The following MCTP1 variants were observed in gnomAD, a reference collection of about 807,000 sequenced individuals.
The protein encoded by MCTP1 is multiple C2 and transmembrane domain-containing protein 1.
Under a neutral mutation model 120.6 loss-of-function variants are expected in MCTP1, and 69 were observed. The ratio of observed to expected loss-of-function variants is 0.57; its 90% confidence interval spans 0.47 to 0.70. The LOEUF (loss-of-function observed/expected upper bound fraction) is 0.70, where lower values mean the gene tolerates loss of function less well. Among genes scored for constraint, MCTP1 ranks in the 30% least tolerant of loss-of-function variants. The probability of loss-of-function intolerance (pLI) is 0.00; values close to 1 mark genes in which losing one functional copy is unlikely to be tolerated. For synonymous variants in MCTP1, 529 were observed against 493.1 expected (o/e 1.07, Z -0.96); for missense variants, 1,203 against 1,248.8 (o/e 0.96, Z 0.55).
chr5:95,078,284 A>G (rs912578904), intron 1 of MCTP1, among the ~76,000 whole-genome samples: 3 of 152,210 alleles, frequency 2.0e-5, no homozygotes, highest in African/African-American at 7.2e-5. Flanking sequence ...CAGACATTAC[A>G]TTAATCTTCT....
chr5:94,747,024 T>C lies in MCTP1; in HGVS notation c.2610+32086A>G, dbSNP rs536890763. ...TCAAAGTCTAGCTCAAGTATCAGGT[T>C]GATAATTAGATAATGTAGGTTTCCA... On this transcript the variant is annotated intron_variant, in intron 19 of 22. Coordinates refer to ENST00000515393, the MANE Select transcript of MCTP1 (RefSeq NM_024717.7). Among the ~76,000 whole-genome samples the C allele has an allele frequency of 2.4e-4, 37 of 152,362 alleles. 1 individual carries two copies. The highest frequency in any genetic ancestry group is 8.7e-4 in the African/African-American group (36 of 41,582).
intron 1 of MCTP1, among the ~76,000 whole-genome samples, chr5:95,276,363 AT>A (rs1759836260): frequency 7.0e-6 from 1 of 142,388 alleles, no homozygotes; most frequent in Non-Finnish European, 1.5e-5. Context: ...GGTTCAAGCG[AT>A]TCTCCTGTCT....
intron 1 of MCTP1, among the ~76,000 whole-genome samples, chr5:95,046,804 GT>G (rs1744661317): frequency 6.6e-6 from 1 of 152,092 alleles, no homozygotes; most frequent in Admixed American, 6.6e-5. Flanking sequence ...ACACGTATCT[GT>G]TTACCCTATT....
chr5:95,229,332 C>T (rs1754649448), intron 1 of MCTP1, among the ~76,000 whole-genome samples: 1 of 152,186 alleles, frequency 6.6e-6, no homozygotes, highest in Non-Finnish European at 1.5e-5. Context: ...AACTATATCC[C>T]AGATAGTGAC....
At chr5:95,208,086 C>A (rs1263760861) in intron 1 of MCTP1, among the ~76,000 whole-genome samples, 1 of 151,596 alleles carries the variant, frequency 6.6e-6, no homozygotes, top group Non-Finnish European at 1.5e-5. Context: ...ACAGATTACC[C>A]TGTTGTTGTT....
intron 17 of MCTP1, among the ~76,000 whole-genome samples, chr5:94,825,338 G>A (rs1211131277): frequency 2.0e-5 from 3 of 152,166 alleles, no homozygotes; most frequent in South Asian, 2.1e-4. Flanking sequence ...TTTCCATGTA[G>A]TTTTGCAGTT....
At chr5:95,160,030 A>C (rs1050859570) in intron 1 of MCTP1, among the ~76,000 whole-genome samples, 7 of 152,224 alleles carry the variant, frequency 4.6e-5, no homozygotes, top group Admixed American at 6.5e-5. Flanking sequence ...CAGATGCAGA[A>C]AGCCCAGGAG....
chr5:94,969,076 A>C (rs1407284510), intron 2 of MCTP1, among the ~76,000 whole-genome samples: 1 of 152,184 alleles, frequency 6.6e-6, no homozygotes, highest in Non-Finnish European at 1.5e-5. Context: ...TCCTAGACCT[A>C]GGAAATATCA....
intron 1 of MCTP1, among the ~76,000 whole-genome samples, chr5:95,205,679 C>T (rs1266645701): frequency 1.3e-5 from 2 of 151,704 alleles, no homozygotes; most frequent in Admixed American, 6.6e-5. Flanking sequence ...ATAATAAAAG[C>T]TAAATAATGT....
chr5:94,785,002 C>T (rs189706876), intron 18 of MCTP1: 11 of 152,118 alleles, frequency 7.2e-5, no homozygotes, highest in Admixed American at 5.9e-4. Flanking sequence ...CCACTGATTA[C>T]GTACAGCATG....
At chr5:94,834,667 T>C (rs776503636) in intron 17 of MCTP1, among the ~76,000 whole-genome samples, 1 of 152,158 alleles carries the variant, frequency 6.6e-6, no homozygotes, top group Non-Finnish European at 1.5e-5. Context: ...AGGCCGCCGA[T>C]TCCAGTCAGA....
chr5:95,110,877 A>G (rs1299847545), intron 1 of MCTP1, among the ~76,000 whole-genome samples: 1 of 152,200 alleles, frequency 6.6e-6, no homozygotes, highest in Non-Finnish European at 1.5e-5. Flanking sequence ...TCAAATTTCT[A>G]ATGTGAATTA....
intron 19 of MCTP1, among the ~76,000 whole-genome samples, chr5:94,725,733 A>T (rs1332151613): frequency 6.6e-6 from 1 of 152,124 alleles, no homozygotes; most frequent in Admixed American, 6.6e-5. Context: ...TCATTTTCTT[A>T]GCTAGGTGAT....
chr5:95,144,554 A>G (rs1426975699), intron 1 of MCTP1, among the ~76,000 whole-genome samples: 1 of 152,132 alleles, frequency 6.6e-6, no homozygotes, highest in Non-Finnish European at 1.5e-5. Flanking sequence ...TGTTTAATCC[A>G]TCTTGAGTTA....
chr5:95,238,675 CA>C (rs1755825796), intron 1 of MCTP1, among the ~76,000 whole-genome samples: 1 of 152,182 alleles, frequency 6.6e-6, no homozygotes, highest in African/African-American at 2.4e-5. Context: ...AATCCTGGAA[CA>C]ATGCATGATC....
At chr5:94,980,001 A>AT (rs1235078575) in intron 2 of MCTP1, among the ~76,000 whole-genome samples, 2 of 152,120 alleles carry the variant, frequency 1.3e-5, no homozygotes, top group African/African-American at 2.4e-5. Flanking sequence ...GTTTTAAAAA[A>AT]TACCTTAAAA....
chr5:95,165,856 T>C (rs1036245234), intron 1 of MCTP1, among the ~76,000 whole-genome samples: 8 of 152,222 alleles, frequency 5.3e-5, no homozygotes, highest in Admixed American at 1.3e-4. Flanking sequence ...CTGACTCTGA[T>C]GTTCCCAATT....
At chr5:95,270,750 T>C (rs572980717) in intron 1 of MCTP1, among the ~76,000 whole-genome samples, 170 of 152,160 alleles carry the variant, frequency 1.1e-3, no homozygotes, top group South Asian at 4.8e-3. Context: ...GCCAACATGG[T>C]GAAACCCCAT....
At position 95,094,395 on chromosome 5, in the gene MCTP1, T is replaced by A. The variant is rs1288814963; in HGVS notation, c.721-76911A>T. Among the ~76,000 whole-genome samples the A allele has an allele frequency of 2.0e-5, 3 of 152,356 alleles. No homozygotes were observed. In the South Asian group the frequency reaches 6.2e-4, roughly 32 times the overall value. On this transcript the variant is annotated intron_variant, in intron 1 of 22. Transcript: ENST00000515393. ...TAGCATTAAAAATTTATTGAATAAATCAACTGCTAAATATTTTGTTCCTGG... is the reference window on the plus strand; with the variant it reads ...TAGCATTAAAAATTTATTGAATAAAACAACTGCTAAATATTTTGTTCCTGG...
Sources: allele counts gnomAD v4.1 joint callset (sites outside exome capture counted in the v4.1 genomes callset), GRCh38; gene constraint gnomAD v4.1.1; transcripts MANE v1.5; gene names NCBI Gene and HGNC (gene_info 2026-07-23, HGNC 2026-07-21).